PTER: variants seen among roughly 807,000 people sequenced by gnomAD.
The protein encoded by PTER is N-acetyltaurine hydrolase.
In PTER, 38 loss-of-function variants were observed where a neutral mutation model predicts 29.6. That is an observed-to-expected ratio of 1.28 (90% CI 0.99 to 1.68). The LOEUF (loss-of-function observed/expected upper bound fraction) is 1.68, where lower values mean the gene tolerates loss of function less well. Ranked by LOEUF, PTER falls within the 40% of genes most tolerant of loss-of-function variation. The pLI is 0.00. For missense variants in PTER, 482 were observed against 427.8 expected (o/e 1.13, Z -1.12); for synonymous variants, 172 against 154.5 (o/e 1.11, Z -0.84).
At chr10:16,517,184 C>A (rs561085146), downstream of PTER, among the ~76,000 whole-genome samples, 35 of 152,132 alleles carry the variant, frequency 2.3e-4, no homozygotes, top group African/African-American at 7.0e-4. Flanking sequence ...CGCAATCAAC[C>A]GATTTCTACC....
At chr10:16,454,904 C>A (rs1280644421) in intron 1 of PTER, among the ~76,000 whole-genome samples, 1 of 152,042 alleles carries the variant, frequency 6.6e-6, no homozygotes, top group East Asian at 1.9e-4. Flanking sequence ...CATATTAATG[C>A]ATAATGAAAA....
chr10:16,466,512 C>G (rs568554463), intron 1 of PTER, among the ~76,000 whole-genome samples: 17 of 152,174 alleles, frequency 1.1e-4, no homozygotes, highest in Non-Finnish European at 2.9e-5. Context: ...TGGGCCACCA[C>G]GCCCAGCTAA....
chr10:16,437,815 C>G (rs1833704061), intron 1 of PTER, among the ~76,000 whole-genome samples: 1 of 152,162 alleles, frequency 6.6e-6, no homozygotes, highest in Admixed American at 6.6e-5. Flanking sequence ...TGGAGTCTTT[C>G]TGACTCCACA....
intron 1 of PTER, among the ~76,000 whole-genome samples, chr10:16,456,121 A>G (rs1316736246): frequency 6.6e-6 from 1 of 152,218 alleles, no homozygotes; most frequent in African/African-American, 2.4e-5. Flanking sequence ...TCTTCTGTTA[A>G]TGCTACCAGA....
chr10:16,485,851 TG>T (rs527970280), intron 2 of PTER, among the ~76,000 whole-genome samples: 2 of 152,124 alleles, frequency 1.3e-5, no homozygotes, highest in South Asian at 4.1e-4. Flanking sequence ...CCTAGCTACA[TG>T]GGAGCCTGAA....
At chr10:16,489,979 A>G (rs936325352) in intron 3 of PTER, among the ~76,000 whole-genome samples, 1 of 152,190 alleles carries the variant, frequency 6.6e-6, no homozygotes, top group African/African-American at 2.4e-5. Flanking sequence ...ACTGAGAAAG[A>G]TACATACAGA....
chr10:16,447,460 T>G (rs1564384329), intron 1 of PTER, among the ~76,000 whole-genome samples: 1 of 152,168 alleles, frequency 6.6e-6, no homozygotes, highest in Non-Finnish European at 1.5e-5. Flanking sequence ...CCAGTTTTTT[T>G]GTTAACCTGT....
intron 4 of PTER, among the ~76,000 whole-genome samples, chr10:16,506,410 G>A (rs550321249): frequency 5.3e-5 from 8 of 152,210 alleles, no homozygotes; most frequent in Non-Finnish European, 1.2e-4. Flanking sequence ...GAGAGAATGA[G>A]TCCAGGGAAG....
chr10:16,484,794 C>A lies in PTER; in HGVS notation c.410C>A (p.Thr137Asn), dbSNP rs1346158053. 1.2e-6 allele frequency: 2 copies of A among 1,607,654 alleles called. No individual in the cohort carries two copies. Among genetic ancestry groups the A allele is most frequent in the African/African-American group, 2.7e-5 (2 of 74,494 alleles). Residue 137 changes from threonine to asparagine, a missense_variant, in exon 2 of 5, where the codon ACC becomes AAC. Transcript: ENST00000535784. ...FYVDATHSSE[T>N]RAMSVEQLTD... ...GTGGATGCAACTCACTCCTCAGAGA[C>A]CAGGGCCATGTCAGTGGAGCAGGTA...
rs1836507924 is a variant in PTER at position 16,505,074 on chromosome 10, G to A, written c.753G>A (p.Leu251=). 28 of 1,613,812 alleles carry A rather than the reference G, an allele frequency of 1.7e-5. No individual in the cohort carries two copies. The highest frequency in any genetic ancestry group is 2.3e-5 in the Non-Finnish European group (27 of 1,179,906). Residue 251 remains leucine, a synonymous_variant, in exon 4 of 5, where the codon TTG becomes TTA. Transcript: ENST00000535784. ...AGTTTGCTCAACTTGGCTGCTACTT[G>A]GAATATGATCTCTTTGGTACTGAAC... The part of the protein sequence containing the change: ...LLEFAQLGCY[L]EYDLFGTELL...
chr10:16,516,001 A>G (rs144219486), downstream of PTER, among the ~76,000 whole-genome samples: 275 of 152,282 alleles, frequency 1.8e-3, no homozygotes, highest in African/African-American at 6.4e-3. Flanking sequence ...GAGTTTTCCA[A>G]TTAAATTTTC....
chr10:16,501,809 G>A (rs1836360877), intron 3 of PTER, among the ~76,000 whole-genome samples: 2 of 152,170 alleles, frequency 1.3e-5, no homozygotes, highest in South Asian at 2.1e-4. Context: ...TTAAATTCTA[G>A]CACATCACCT....
intron 1 of PTER, among the ~76,000 whole-genome samples, chr10:16,480,042 C>A (rs1835419364): frequency 7.3e-6 from 1 of 136,632 alleles, no homozygotes. Flanking sequence ...ATGGCAAAGA[C>A]CGTGATTACA....
intron 3 of PTER, among the ~76,000 whole-genome samples, chr10:16,502,493 G>T (rs1011802713): frequency 6.6e-6 from 1 of 152,000 alleles, no homozygotes; most frequent in African/African-American, 2.4e-5. Context: ...TAGTAGAAAG[G>T]AAAGATTTTT....
intron 4 of PTER, 79 bp from the exon 5 acceptor site, chr10:16,510,967 A>T: frequency 3.4e-6 from 4 of 1,178,282 alleles, no homozygotes; most frequent in Non-Finnish European, 4.9e-6. Flanking sequence ...ACAATAGGTT[A>T]ATGAGTAAAA....
intron 1 of PTER, among the ~76,000 whole-genome samples, chr10:16,468,578 G>A (rs76129473): frequency 0.022 from 3,318 of 152,182 alleles, 129 homozygotes; most frequent in African/African-American, 0.076. Flanking sequence ...CTAGATGTTC[G>A]CTAAATACAT....
intron 1 of PTER, among the ~76,000 whole-genome samples, chr10:16,469,362 C>T (rs935277007): frequency 2.6e-5 from 4 of 152,182 alleles, no homozygotes; most frequent in African/African-American, 7.2e-5. Flanking sequence ...CAGGGAGAGA[C>T]ACATTCTTGT....
intron 1 of PTER, among the ~76,000 whole-genome samples, chr10:16,468,950 G>T (rs1202331227): frequency 6.6e-6 from 1 of 151,924 alleles, no homozygotes; most frequent in East Asian, 1.9e-4. Context: ...ACCCCAGCCT[G>T]GGTGACAGAG....
intron 1 of PTER, among the ~76,000 whole-genome samples, chr10:16,473,823 T>C (rs1835154043): frequency 6.6e-6 from 1 of 152,220 alleles, no homozygotes; most frequent in African/African-American, 2.4e-5. Context: ...TCTCATGACT[T>C]AGTTTCCTCA....
Sources: gnomAD v4.1 joint callset for allele counts (sites outside exome capture counted in the v4.1 genomes callset) on GRCh38, gnomAD v4.1.1 for gene constraint, MANE v1.5 for transcripts, NCBI Gene and HGNC (gene_info 2026-07-23, HGNC 2026-07-21) for gene names.